BCL2: variants seen among roughly 807,000 people sequenced by gnomAD.
BCL2 encodes the protein apoptosis regulator Bcl-2.
BCL2 carries 1 observed loss-of-function variant against 14.2 expected under a neutral mutation model. The ratio of observed to expected loss-of-function variants is 0.07; its 90% CI spans 0.02 to 0.33. The LOEUF (loss-of-function observed/expected upper bound fraction) is 0.33. Ranked by LOEUF, BCL2 falls within the 10% of genes least tolerant of loss-of-function variation. The pLI, the probability that BCL2 is intolerant of heterozygous loss-of-function variation, is 0.99. For synonymous variants in BCL2, 151 were observed against 137.2 expected, an observed-to-expected ratio of 1.10 and a Z score of -0.70; for missense variants, 247 against 305.9, an observed-to-expected ratio of 0.81 and a Z score of 1.44.
intron 2 of BCL2, among the ~76,000 whole-genome samples, chr18:63,199,818 G>A (rs1294937216): frequency 6.6e-6 from 1 of 152,132 alleles, no homozygotes; most frequent in Admixed American, 6.5e-5. Flanking sequence ...TGCTGTGAGT[G>A]GCATAATCTC....
At chr18:63,285,442 A>T (rs1048857533) in intron 2 of BCL2, among the ~76,000 whole-genome samples, 1 of 152,276 alleles carries the variant, frequency 6.6e-6, no homozygotes, top group South Asian at 2.1e-4. Context: ...TGCTCCCAAC[A>T]TCTCCCCAAG....
At chr18:63,155,333 C>T (rs1914749593) in intron 2 of BCL2, among the ~76,000 whole-genome samples, 1 of 152,198 alleles carries the variant, frequency 6.6e-6, no homozygotes. Flanking sequence ...CGACAAATCT[C>T]ATTTGCAAAG....
At chr18:63,227,768 A>G (rs541355086) in intron 2 of BCL2, among the ~76,000 whole-genome samples, 1 of 152,334 alleles carries the variant, frequency 6.6e-6, no homozygotes, top group South Asian at 2.1e-4. Context: ...CTCAGATTGG[A>G]TTTTTTAAAA....
intron 2 of BCL2, among the ~76,000 whole-genome samples, chr18:63,178,079 T>A (rs1915392263): frequency 2.0e-5 from 3 of 152,200 alleles, no homozygotes; most frequent in Admixed American, 6.5e-5. Flanking sequence ...CCAAGTCCCC[T>A]GAGCAAGAGG....
intron 2 of BCL2, among the ~76,000 whole-genome samples, chr18:63,200,131 G>C (rs778136649): frequency 6.6e-6 from 1 of 152,164 alleles, no homozygotes; most frequent in African/African-American, 2.4e-5. Context: ...ATGACAGGGT[G>C]ATTTAATTCT....
At chr18:63,192,027 A>C (rs965542123) in intron 2 of BCL2, among the ~76,000 whole-genome samples, 1 of 152,210 alleles carries the variant, frequency 6.6e-6, no homozygotes, top group Non-Finnish European at 1.5e-5. Context: ...CAGGGTGCTC[A>C]CCTAGGGCTT....
At chr18:63,311,722 G>A (rs1054077818) in intron 2 of BCL2, among the ~76,000 whole-genome samples, 4 of 152,162 alleles carry the variant, frequency 2.6e-5, no homozygotes, top group East Asian at 1.9e-4. Context: ...TGGCCCAAAC[G>A]CGATGCTCAA....
chr18:63,139,783 C>T (rs1338322652), intron 2 of BCL2, among the ~76,000 whole-genome samples: 1 of 152,130 alleles, frequency 6.6e-6, no homozygotes, highest in Non-Finnish European at 1.5e-5. Context: ...CTAGAGCTTC[C>T]GAGGGCCCTG....
chr18:63,280,943 T>A (rs571415327), intron 2 of BCL2, among the ~76,000 whole-genome samples: 1 of 152,288 alleles, frequency 6.6e-6, no homozygotes, highest in South Asian at 2.1e-4. Context: ...CAAGTATCCA[T>A]CAATAAATGA....
chr18:63,182,338 C>T (rs1237758603), intron 2 of BCL2, among the ~76,000 whole-genome samples: 1 of 152,210 alleles, frequency 6.6e-6, no homozygotes, highest in Non-Finnish European at 1.5e-5. Flanking sequence ...GGTCTGGCCA[C>T]CAGCCCACGG....
chr18:63,188,520 T>C (rs953970261), intron 2 of BCL2, among the ~76,000 whole-genome samples: 1 of 152,180 alleles, frequency 6.6e-6, no homozygotes, highest in Non-Finnish European at 1.5e-5. Context: ...CTAAACTGAA[T>C]TGGAGTTTAA....
intron 2 of BCL2, among the ~76,000 whole-genome samples, chr18:63,176,646 A>C (rs1915356350): frequency 1.3e-5 from 2 of 152,218 alleles, no homozygotes; most frequent in African/African-American, 4.8e-5. Flanking sequence ...TATAGAGTAC[A>C]TGTGATATTT....
intron 2 of BCL2, chr18:63,207,754 T>C (rs1909881024): frequency 6.6e-6 from 1 of 152,260 alleles, no homozygotes; most frequent in Admixed American, 6.5e-5. Flanking sequence ...ATTTAAATTC[T>C]GTGCTGTTTT....
At chr18:63,165,825 G>C (rs986331458) in intron 2 of BCL2, among the ~76,000 whole-genome samples, 1 of 152,170 alleles carries the variant, frequency 6.6e-6, no homozygotes, top group African/African-American at 2.4e-5. Flanking sequence ...AGCCCGAGGG[G>C]ATGTCCGAAT....
chr18:63,232,118 G>GAAAA (rs1444340279), intron 2 of BCL2, among the ~76,000 whole-genome samples: 1 of 151,332 alleles, frequency 6.6e-6, no homozygotes, highest in Admixed American at 6.6e-5. Context: ...CCCATATGGA[G>GAAAA]AAAAAAAATA....
At position 63,149,887 on chromosome 18, in the gene BCL2, T is replaced by C. The variant is rs1914609517; in HGVS notation, c.586-21128A>G. ...TTTATTTATTTATTTATTTATTTAT[T>C]TATTTTGAGACAGCGTCTCCCTCTG... On this transcript the variant is annotated intron_variant, in intron 2 of 2. Coordinates refer to ENST00000333681, the MANE Select transcript of BCL2 (RefSeq NM_000633.3). This position sits in a 1 kb window ranked among gnomAD's most constrained non-coding sequence, Gnocchi z 4.2. Among the ~76,000 whole-genome samples, 1 of 141,990 alleles carries C rather than the reference T, an allele frequency of 7.0e-6. No individual in the cohort carries two copies. Among genetic ancestry groups the C allele is most frequent in the Non-Finnish European group, 1.6e-5 (1 of 62,960 alleles). 93.2% of individuals were successfully genotyped at this position (141,990 alleles called of 152,430 possible). A position where few individuals can be genotyped will look rare whatever the true frequency, so the allele number is the denominator to read the frequency against.
chr18:63,180,184 T>C (rs1032574965), intron 2 of BCL2, among the ~76,000 whole-genome samples: 14 of 152,256 alleles, frequency 9.2e-5, no homozygotes, highest in African/African-American at 3.4e-4. Flanking sequence ...TGATATTTTA[T>C]TAACCCCTGA....
chr18:63,256,248 G>A (rs780849453), intron 2 of BCL2, among the ~76,000 whole-genome samples: 9 of 152,120 alleles, frequency 5.9e-5, no homozygotes, highest in Non-Finnish European at 7.4e-5. Context: ...ACCGAGTCTC[G>A]CTCTGTCACC....
intron 2 of BCL2, among the ~76,000 whole-genome samples, chr18:63,278,770 T>C (rs985247527): frequency 3.3e-5 from 5 of 152,306 alleles, no homozygotes; most frequent in Admixed American, 3.3e-4. Context: ...GTTACAAATA[T>C]TTTTCCTTAA....
Sources: allele counts gnomAD v4.1 joint callset (sites outside exome capture counted in the v4.1 genomes callset), GRCh38; gene constraint gnomAD v4.1.1; non-coding constraint Gnocchi (gnomAD v3.1); transcripts MANE v1.5; gene names NCBI Gene and HGNC (gene_info 2026-07-23, HGNC 2026-07-21).